Variants in CPS1 observed in about 807,000 individuals in gnomAD.
CPS1 encodes the protein carbamoyl-phosphate synthase [ammonia], mitochondrial.
In CPS1, 109 loss-of-function variants were observed where a neutral mutation model predicts 174.6. The ratio of observed to expected loss-of-function variants is 0.62; its 90% confidence interval spans 0.53 to 0.73. The LOEUF (loss-of-function observed/expected upper bound fraction) is 0.73. Ranked by LOEUF, CPS1 falls within the 30% of genes least tolerant of loss-of-function variation. CPS1 has a pLI of 0.00. For synonymous variants in CPS1, 637 were observed against 632.0 expected (o/e 1.01, Z -0.12); for missense variants, 1,689 against 1,821.9 (o/e 0.93, Z 1.33).
At chr2:210,479,717 T>C (rs534419967) in intron 1 of CPS1, among the ~76,000 whole-genome samples, 1 of 152,348 alleles carries the variant, frequency 6.6e-6, no homozygotes, top group South Asian at 2.1e-4. Flanking sequence ...CCTGTGGCTA[T>C]GGTGGCTGAA....
At chr2:210,510,829 A>T (rs1695447738) in intron 1 of CPS1, among the ~76,000 whole-genome samples, 2 of 152,232 alleles carry the variant, frequency 1.3e-5, no homozygotes, top group South Asian at 2.1e-4. Flanking sequence ...AACCACAATG[A>T]GATACCATCT....
intron 1 of CPS1, among the ~76,000 whole-genome samples, chr2:210,522,278 T>A (rs1695847037): frequency 6.6e-6 from 1 of 152,054 alleles, no homozygotes; most frequent in Non-Finnish European, 1.5e-5. Context: ...TGTTTTCATG[T>A]TCTTAACAAT....
At position 210,599,473 on chromosome 2, in the gene CPS1, C is replaced by T. The variant is rs1574573257; in HGVS notation, c.1461C>T (p.Ile487=). The T allele has an allele frequency of 1.9e-6, 3 of 1,612,622 alleles. No individual in the cohort carries two copies. The highest frequency in any genetic ancestry group is 1.3e-5 in the African/African-American group (1 of 74,928). The stretch of plus-strand genomic sequence containing the variant: ...CGGATACTGTCTACTTTCTTCCCAT[C>T]ACCCCTCAGTTTGTCACAGAGGTCA... ...KQADTVYFLP[I]TPQFVTEVIK... is the part of the protein sequence containing the mutation. The change falls in exon 14 of 38, where the codon ATC becomes ATT. Residue 487 remains isoleucine (I), a synonymous_variant. Transcript: ENST00000233072.
intron 1 of CPS1, among the ~76,000 whole-genome samples, chr2:210,525,698 A>T (rs921843017): frequency 6.6e-6 from 1 of 151,586 alleles, no homozygotes. Context: ...ATGTCATACC[A>T]GTGATGGCTT....
At chr2:210,618,381 T>G (rs764024971) in intron 21 of CPS1, 1 of 152,114 alleles carries the variant, frequency 6.6e-6, no homozygotes, top group Non-Finnish European at 1.5e-5. Context: ...TCATCTCTAC[T>G]GTATAAATTT....
intron 35 of CPS1, among the ~76,000 whole-genome samples, 168 bp from the exon 36 acceptor site, chr2:210,675,560 A>G (rs922747153): frequency 1.3e-5 from 2 of 152,236 alleles, no homozygotes; most frequent in East Asian, 3.8e-4. Flanking sequence ...TATATAAAAA[A>G]TGTTTAAAGT....
At chr2:210,549,826 C>T (rs554833961) in intron 1 of CPS1, among the ~76,000 whole-genome samples, 1 of 152,088 alleles carries the variant, frequency 6.6e-6, no homozygotes, top group Admixed American at 6.6e-5. Context: ...TCCTGATATA[C>T]AATGTCTGAT....
intron 1 of CPS1, among the ~76,000 whole-genome samples, chr2:210,492,048 A>G (rs1012067152): frequency 6.6e-6 from 1 of 152,220 alleles, no homozygotes; most frequent in African/African-American, 2.4e-5. Context: ...GACAAAGTTG[A>G]CTGCTATGAA....
chr2:210,638,792 C>T (rs1016764161), intron 22 of CPS1, among the ~76,000 whole-genome samples: 14 of 152,168 alleles, frequency 9.2e-5, no homozygotes, highest in African/African-American at 3.1e-4. Context: ...GAGATCCTTA[C>T]GTATAGGTCA....
intron 21 of CPS1, among the ~76,000 whole-genome samples, chr2:210,635,431 C>T (rs1408201521): frequency 1.3e-5 from 2 of 152,188 alleles, no homozygotes; most frequent in African/African-American, 4.8e-5. Context: ...TGGGGCAGCA[C>T]TGTTCAGTAG....
At chr2:210,627,027 C>T (rs1377051384) in intron 21 of CPS1, among the ~76,000 whole-genome samples, 1 of 152,162 alleles carries the variant, frequency 6.6e-6, no homozygotes, top group African/African-American at 2.4e-5. Context: ...GTTTTAGTCA[C>T]TAACCCTTTT....
At chr2:210,624,935 A>T (rs955008066) in intron 21 of CPS1, among the ~76,000 whole-genome samples, 15 of 152,082 alleles carry the variant, frequency 9.9e-5, no homozygotes, top group African/African-American at 3.6e-4. Flanking sequence ...AAAATAACAC[A>T]TACTCAGAAT....
intron 1 of CPS1, among the ~76,000 whole-genome samples, chr2:210,545,221 T>G (rs993365910): frequency 3.9e-5 from 6 of 152,064 alleles, no homozygotes; most frequent in Non-Finnish European, 8.8e-5. Context: ...GCTCTAACGG[T>G]CAGAAGTTTG....
Position 210,594,570 on chromosome 2 carries a change from CT to C in CPS1, c.1229del (p.Leu410TyrfsTer6). The C allele has an allele frequency of 1.9e-6, 3 of 1,611,280 alleles. No individual in the cohort carries two copies. Among genetic ancestry groups the C allele is most frequent in the Non-Finnish European group, 2.5e-6 (3 of 1,178,282 alleles). ...KGKATTITSV[L>X]PKPALVASRV... ...GAAAAGCTACCACCATTACATCAGT[CT>C]TACCGAAGCCAGCACTAGTTGCATC... is the stretch of plus-strand genomic sequence containing the variant. On this transcript the variant is annotated frameshift_variant, in exon 12 of 38. Transcript: ENST00000233072. LOFTEE classifies it high-confidence loss of function.
At chr2:210,532,559 T>C (rs1696144101) in intron 1 of CPS1, among the ~76,000 whole-genome samples, 1 of 152,220 alleles carries the variant, frequency 6.6e-6, no homozygotes, top group Non-Finnish European at 1.5e-5. Context: ...ACTATGTCTT[T>C]TTTTTTAATT....
At chr2:210,524,615 G>A (rs1449711493) in intron 1 of CPS1, among the ~76,000 whole-genome samples, 3 of 151,892 alleles carry the variant, frequency 2.0e-5, no homozygotes, top group Admixed American at 6.6e-5. Flanking sequence ...GAGTCTTAGT[G>A]GGACTGTACC....
At chr2:210,544,691 C>A (rs1000953982) in intron 1 of CPS1, among the ~76,000 whole-genome samples, 1 of 151,960 alleles carries the variant, frequency 6.6e-6, no homozygotes. Flanking sequence ...TCTTTTTCTT[C>A]AGGCTGAAAT....
intron 1 of CPS1, among the ~76,000 whole-genome samples, chr2:210,493,745 C>A (rs991308789): frequency 2.0e-5 from 3 of 152,146 alleles, no homozygotes; most frequent in Non-Finnish European, 4.4e-5. Flanking sequence ...TGTTGTTTTT[C>A]AGTCTGCTGT....
At chr2:210,546,617 C>T (rs556664917) in intron 1 of CPS1, among the ~76,000 whole-genome samples, 195 of 152,168 alleles carry the variant, frequency 1.3e-3, no homozygotes, top group African/African-American at 4.5e-3. Flanking sequence ...TAGGTTTCTT[C>T]ATCAGATAAA....
Sources: allele counts gnomAD v4.1 joint callset (sites outside exome capture counted in the v4.1 genomes callset), GRCh38; gene constraint gnomAD v4.1.1; transcripts MANE v1.5; gene names NCBI Gene and HGNC (gene_info 2026-07-23, HGNC 2026-07-21).